Variants in PPM1A observed in about 807,000 individuals in gnomAD.
The protein encoded by PPM1A is protein phosphatase 1A.
PPM1A carries 7 observed loss-of-function variants against 35.0 expected under a neutral mutation model. That is an observed-to-expected ratio of 0.20 (90% CI 0.11 to 0.38). The LOEUF (loss-of-function observed/expected upper bound fraction) is 0.38, where lower values mean the gene tolerates loss of function less well. Among genes scored for constraint, PPM1A ranks in the 10% least tolerant of loss-of-function variants. The probability of loss-of-function intolerance (pLI) is 1.00; values close to 1 mark genes in which losing one functional copy is unlikely to be tolerated. For missense variants in PPM1A, 239 were observed against 467.8 expected (o/e 0.51, Z 4.51); for synonymous variants, 153 against 167.3 (o/e 0.91, Z 0.66).
intron 1 of PPM1A, among the ~76,000 whole-genome samples, chr14:60,278,100 T>C (rs1007057169): frequency 6.6e-6 from 1 of 152,216 alleles, no homozygotes; most frequent in African/African-American, 2.4e-5. Context: ...TTTAGAACAG[T>C]GCTTGGCTAG....
intron 1 of PPM1A, chr14:60,268,245 A>G (rs10142834): frequency 0.38 from 370,006 of 962,052 alleles, 78,054 homozygotes; most frequent in African/African-American, 0.83. Context: ...ATGAGCTCTG[A>G]AGTTTTTTGA....
In PPM1A at chr14:60,286,194, C is replaced by A. The variant is rs12434739; in HGVS notation, c.952+453C>A. The A allele has an allele frequency of 7.1e-6, 7 of 985,696 alleles. No individual in the cohort carries two copies. In the African/African-American group the frequency reaches 8.7e-5, roughly 12 times the overall value. 61.1% of individuals were successfully genotyped at this position (985,696 alleles called of 1,614,324 possible). ...AATAACTTGAAAATCACAGCCTCAT[C>A]ATTAGCAACTTTATATACACAGCTT... On this transcript the variant is annotated intron_variant, in intron 3 of 5. Coordinates refer to ENST00000395076, the MANE Select transcript of PPM1A (RefSeq NM_021003.5).
chr14:60,295,539 AT>A lies in PPM1A; in HGVS notation c.*3059del, dbSNP rs1887993671. 6.6e-6 allele frequency: 1 copy of A among 151,756 alleles called. No homozygotes were observed. The allele number at this position is 151,756 out of a possible 1,614,324, so 9.4% of individuals were successfully genotyped here. On this transcript the variant is annotated 3_prime_UTR_variant, in exon 6 of 6. Transcript: ENST00000395076. Reference sequence around the variant, plus strand: ...TAGTTATGTAATTCAAGTAATCTGAATTACAGCAGTACTTTTAGTGATCATT... The same window carrying A: ...TAGTTATGTAATTCAAGTAATCTGAATACAGCAGTACTTTTAGTGATCATT...
intron 1 of PPM1A, chr14:60,268,395 C>T: frequency 2.1e-6 from 2 of 968,758 alleles, no homozygotes; most frequent in South Asian, 4.8e-5. Flanking sequence ...GAGAATTGTA[C>T]AGAGTGATTT....
intron 1 of PPM1A, among the ~76,000 whole-genome samples, chr14:60,261,709 C>T (rs1883764131): frequency 6.6e-6 from 1 of 152,164 alleles, no homozygotes; most frequent in Admixed American, 6.5e-5. Flanking sequence ...GTTTAGTTCA[C>T]TTTTTATCCA....
chr14:60,291,750 G>GTTT (rs77512505), intron 5 of PPM1A, among the ~76,000 whole-genome samples: 2,520 of 128,716 alleles, frequency 0.02, 86 homozygotes, highest in African/African-American at 0.068. Flanking sequence ...CCACTACATG[G>GTTT]TTTTTTTTTT....
At chr14:60,287,542 T>G in intron 3 of PPM1A, 2 of 985,400 alleles carry the variant, frequency 2.0e-6, no homozygotes, top group Non-Finnish European at 2.4e-6. Context: ...AGCAGGCACC[T>G]GAATGCCTTT....
Position 60,249,269 on chromosome 14 carries a change from G to T in PPM1A, c.-429G>T. 1.0e-6 allele frequency: 1 copy of T among 986,150 alleles called. No individual in the cohort carries two copies. The highest frequency in any genetic ancestry group is 4.5e-5 in the South Asian group (1 of 22,106). 61.1% of individuals were successfully genotyped at this position (986,150 alleles called of 1,614,324 possible). A position where few individuals can be genotyped will look rare whatever the true frequency, so the allele number is the denominator to read the frequency against. On this transcript the variant is annotated 5_prime_UTR_variant, in exon 1 of 6. Coordinates refer to ENST00000395076, the MANE Select transcript of PPM1A (RefSeq NM_021003.5). The surrounding 1 kb of genome is among the most constrained non-coding windows in gnomAD (Gnocchi z 4.5). ...CGGCGCTAGGGACGGGAGCGCGCGC[G>T]GGAGCTAGAGAGCAGTGGTCTCGGC...
chr14:60,264,430 T>C (rs1314700510), intron 1 of PPM1A, among the ~76,000 whole-genome samples: 1 of 152,186 alleles, frequency 6.6e-6, no homozygotes, highest in Non-Finnish European at 1.5e-5. Flanking sequence ...AAATTGTATC[T>C]GTGTCATAGG....
intron 1 of PPM1A, among the ~76,000 whole-genome samples, chr14:60,270,804 A>G (rs1034828480): frequency 3.3e-5 from 5 of 152,196 alleles, no homozygotes; most frequent in Non-Finnish European, 7.3e-5. Context: ...GTTACAGGTA[A>G]GAAACTTTGT....
Position 60,294,738 on chromosome 14 carries a change from A to C in PPM1A, c.*2256A>C, listed in dbSNP as rs1208922922. On this transcript the variant is annotated 3_prime_UTR_variant, in exon 6 of 6. Coordinates refer to ENST00000395076, the MANE Select transcript of PPM1A (RefSeq NM_021003.5). ...GCCTTTTTTTTTTGAGTCTTTAAAC[A>C]AGAGAAAATTAAAATATTCCTGTCA... The C allele has an allele frequency of 1.3e-5, 2 of 151,362 alleles. No individual in the cohort carries two copies. The highest frequency in any genetic ancestry group is 3.0e-5 in the Non-Finnish European group (2 of 67,738). 9.4% of individuals were successfully genotyped at this position (151,362 alleles called of 1,614,324 possible).
At chr14:60,257,536 G>A (rs560253835) in intron 1 of PPM1A, among the ~76,000 whole-genome samples, 1 of 152,314 alleles carries the variant, frequency 6.6e-6, no homozygotes, top group African/African-American at 2.4e-5. Flanking sequence ...AGGGAGGGAT[G>A]TAAGTAAACA....
upstream of PPM1A, chr14:60,248,893 T>G (rs1881971737): frequency 6.6e-6 from 1 of 152,340 alleles, no homozygotes; most frequent in Non-Finnish European, 1.5e-5. Flanking sequence ...GTCCAGTCCC[T>G]GGCGCCGGAA....
At position 60,275,123 on chromosome 14, in the gene PPM1A, G is replaced by T. The variant is rs1019240919; in HGVS notation, c.-20-7561G>T. ...TTGGCAGTTTTAGAGATTTAGAAAA[G>T]AAAATATATAGACTTGTAGGCAGAA... On this transcript the variant is annotated intron_variant, in intron 1 of 5. Transcript: ENST00000395076. 1.1e-4 allele frequency among the ~76,000 whole-genome samples: 17 copies of T among 148,258 alleles called. No individual in the cohort carries two copies. The Admixed American group carries it at 1.1e-3, about 10-fold the overall frequency.
intron 1 of PPM1A, among the ~76,000 whole-genome samples, chr14:60,280,693 A>C (rs1301940373): frequency 6.6e-6 from 1 of 152,148 alleles, no homozygotes. Context: ...TTGGCCCTTA[A>C]TGTGCCCCCA....
chr14:60,296,861 T>C lies in PPM1A; in HGVS notation c.*4379T>C, dbSNP rs1888098189. ...TTGTCAAATGAACGTTTTCTAATTT[T>C]GTTCACAGATTCTTTCCCTTTCGAT... On this transcript the variant is annotated 3_prime_UTR_variant, in exon 6 of 6. Coordinates refer to ENST00000395076, the MANE Select transcript of PPM1A (RefSeq NM_021003.5). The surrounding 1 kb of genome is among the most constrained non-coding windows in gnomAD (Gnocchi z 4.4). 1 of 306,906 alleles carries C rather than the reference T, an allele frequency of 3.3e-6. No individual in the cohort carries two copies. The highest frequency in any genetic ancestry group is 6.0e-6 in the Non-Finnish European group (1 of 166,300). 19.0% of individuals were successfully genotyped at this position (306,906 alleles called of 1,614,324 possible). A position where few individuals can be genotyped will look rare whatever the true frequency, so the allele number is the denominator to read the frequency against.
intron 1 of PPM1A, among the ~76,000 whole-genome samples, chr14:60,263,042 C>A (rs543268652): frequency 1.3e-5 from 2 of 152,196 alleles, no homozygotes; most frequent in East Asian, 3.9e-4. Context: ...CATGGCGAAA[C>A]CCTATCTCTA....
In PPM1A at chr14:60,283,755, T is replaced by TA. The variant is rs1886643723; in HGVS notation, c.834+219dup. Among the ~76,000 whole-genome samples, 1 of 152,218 alleles carries TA rather than the reference T, an allele frequency of 6.6e-6. No homozygotes were observed. The highest frequency in any genetic ancestry group is 2.1e-4 in the South Asian group (1 of 4,832). On this transcript the variant is annotated intron_variant, in intron 2 of 5. Transcript: ENST00000395076. The surrounding 1 kb of genome is among the most constrained non-coding windows in gnomAD (Gnocchi z 6.3). ...GAGTTATAAGCTGAATGTTTAGTCT[T>TA]ACTACTTGAGCTTTGTAATAATGTG...
intron 1 of PPM1A, among the ~76,000 whole-genome samples, chr14:60,281,592 T>C (rs1374921970): frequency 3.9e-5 from 6 of 152,220 alleles, no homozygotes; most frequent in Non-Finnish European, 8.8e-5. Context: ...TTCATCATGC[T>C]ATCCTTCTTT....
Sources: allele counts gnomAD v4.1 joint callset (sites outside exome capture counted in the v4.1 genomes callset), GRCh38; gene constraint gnomAD v4.1.1; non-coding constraint Gnocchi (gnomAD v3.1); transcripts MANE v1.5; gene names NCBI Gene and HGNC (gene_info 2026-07-23, HGNC 2026-07-21).